Variants in FOXJ3 observed in about 807,000 individuals in gnomAD.
FOXJ3 encodes the protein forkhead box protein J3.
FOXJ3 carries 22 observed loss-of-function variants against 76.1 expected under a neutral mutation model. That is an observed-to-expected ratio of 0.29 (90% CI 0.21 to 0.41). FOXJ3 has a LOEUF of 0.41. Ranked by LOEUF, FOXJ3 falls within the 10% of genes least tolerant of loss-of-function variation. The pLI, the probability that FOXJ3 is intolerant of heterozygous loss-of-function variation, is 1.00. For missense variants in FOXJ3, 613 were observed against 762.1 expected, an observed-to-expected ratio of 0.80 and a Z score of 2.30; for synonymous variants, 269 against 261.2, an observed-to-expected ratio of 1.03 and a Z score of -0.29.
At chr1:42,179,881 TAAAC>T in intron 12 of FOXJ3, 56 bp from the exon 13 acceptor site, 1 of 1,066,016 alleles carries the variant, frequency 9.4e-7, no homozygotes, top group Non-Finnish European at 1.5e-6. Flanking sequence ...AAGTAAGAAA[TAAAC>T]TAACCCCTAC....
At chr1:42,213,235 T>C (rs1032253969) in intron 5 of FOXJ3, among the ~76,000 whole-genome samples, 2 of 152,104 alleles carry the variant, frequency 1.3e-5, no homozygotes, top group African/African-American at 4.8e-5. Flanking sequence ...TCAATATTAA[T>C]GTTGAATGTA....
intron 4 of FOXJ3, among the ~76,000 whole-genome samples, chr1:42,232,516 T>C (rs558261545): frequency 6.7e-6 from 1 of 149,264 alleles, no homozygotes; most frequent in South Asian, 2.1e-4. Context: ...GGTATCTCAT[T>C]GTGGTTTTGA....
intron 11 of FOXJ3, among the ~76,000 whole-genome samples, chr1:42,182,245 C>T (rs949916036): frequency 2.6e-5 from 4 of 152,186 alleles, no homozygotes; most frequent in Non-Finnish European, 4.4e-5. Flanking sequence ...CTAATGCTAG[C>T]GCTGCCACTA....
chr1:42,304,390 T>G (rs1438816292), intron 2 of FOXJ3, among the ~76,000 whole-genome samples: 1 of 151,680 alleles, frequency 6.6e-6, no homozygotes, highest in Non-Finnish European at 1.5e-5. Context: ...TTCACAGACA[T>G]AGAAAAAAAA....
rs774215103 is a variant in FOXJ3, at chr1:42,188,863, C to T, written c.1519G>A (p.Asp507Asn). ...NWSLDQVQFA[D>N]LCSSLNQFFT... ...AACTGATTAAGAGAAGAACAAAGAT[C>T]GGCAAACTGAACCTGGTCTAAAGAC... The change falls in exon 11 of 13, where the codon GAT (aspartate) becomes AAT (asparagine). Residue 507 changes from aspartate (D) to asparagine (N), a missense_variant. By Grantham distance (23) the Asp-to-Asn change is conservative. Transcript: ENST00000361346. The T allele has an allele frequency of 6.2e-6, 10 of 1,613,086 alleles. No homozygotes were observed. Among genetic ancestry groups the T allele is most frequent in the South Asian group, 2.2e-5 (2 of 91,014 alleles).
chr1:42,248,550 A>G (rs936315497), intron 4 of FOXJ3, among the ~76,000 whole-genome samples: 1 of 150,282 alleles, frequency 6.7e-6, no homozygotes, highest in Admixed American at 6.6e-5. Flanking sequence ...AAAAAAAAAA[A>G]AAGACAACAT....
At chr1:42,248,434 T>C (rs1048958516) in intron 4 of FOXJ3, among the ~76,000 whole-genome samples, 11 of 150,802 alleles carry the variant, frequency 7.3e-5, no homozygotes, top group African/African-American at 2.5e-4. Context: ...CTCGGGAGGC[T>C]GAGGCAGGAG....
chr1:42,256,682 T>C (rs1650615424), intron 4 of FOXJ3, among the ~76,000 whole-genome samples: 1 of 152,234 alleles, frequency 6.6e-6, no homozygotes, highest in African/African-American at 2.4e-5. Flanking sequence ...GGCAGTTTCT[T>C]ATAAAGTTAA....
chr1:42,282,812 C>G (rs1019236924), intron 2 of FOXJ3, among the ~76,000 whole-genome samples: 2 of 152,154 alleles, frequency 1.3e-5, no homozygotes, highest in Non-Finnish European at 2.9e-5. Context: ...AGCTATTATT[C>G]CTAAAGCAGA....
At chr1:42,296,117 T>C (rs927448355) in intron 2 of FOXJ3, among the ~76,000 whole-genome samples, 1 of 152,246 alleles carries the variant, frequency 6.6e-6, no homozygotes, top group African/African-American at 2.4e-5. Flanking sequence ...AGTATTTTTT[T>C]CAAGTGTTTG....
intron 1 of FOXJ3, among the ~76,000 whole-genome samples, chr1:42,332,282 T>C (rs182078772): frequency 2.0e-5 from 3 of 152,344 alleles, no homozygotes; most frequent in Admixed American, 6.5e-5. Context: ...CTAGCATCTA[T>C]ATCCCTGGTC....
chr1:42,278,699 A>G (rs1652474534), intron 2 of FOXJ3, 27 bp from the exon 3 acceptor site: 7 of 1,498,298 alleles, frequency 4.7e-6, no homozygotes, highest in Admixed American at 1.9e-5. Flanking sequence ...TCCTTAGTCA[A>G]TATCAAGGAA....
intron 7 of FOXJ3, among the ~76,000 whole-genome samples, chr1:42,198,700 T>G (rs1646701360): frequency 6.6e-6 from 1 of 152,180 alleles, no homozygotes; most frequent in South Asian, 2.1e-4. Context: ...CCCTAACCTC[T>G]GGGGTTTACA....
chr1:42,246,779 T>A (rs147103980), intron 4 of FOXJ3, among the ~76,000 whole-genome samples: 1 of 152,048 alleles, frequency 6.6e-6, no homozygotes, highest in African/African-American at 2.4e-5. Flanking sequence ...AGCAAAGATA[T>A]AGAATCAAAC....
Position 42,191,313 on chromosome 1 carries a change from G to A in FOXJ3, c.1341C>T (p.Ser447=), listed in dbSNP as rs1646536267. 1.3e-6 allele frequency: 2 copies of A among 1,541,964 alleles called. No individual in the cohort carries two copies. Among genetic ancestry groups the A allele is most frequent in the Non-Finnish European group, 1.8e-6 (2 of 1,140,034 alleles). The change falls in exon 9 of 13, where the codon TCC becomes TCT. Residue 447 remains serine, a synonymous_variant. Transcript: ENST00000361346. ...GAGACAAAAACTTACCAGAATTACA[G>A]GATACCTGTTGTGGGGGTGGGGGTG... ...HQAPPPPQQV[S]CNSGVSNDWY... is the part of the protein sequence containing the mutation.
intron 1 of FOXJ3, among the ~76,000 whole-genome samples, chr1:42,331,460 AC>A (rs1260140340): frequency 1.3e-5 from 2 of 152,200 alleles, no homozygotes; most frequent in African/African-American, 4.8e-5. Flanking sequence ...CGTAGTATAT[AC>A]ATACAGTGGA....
At position 42,326,089 on chromosome 1, in the gene FOXJ3, A is replaced by G. The variant is rs1196001633; in HGVS notation, c.-18+8970T>C. 2.0e-5 allele frequency among the ~76,000 whole-genome samples: 3 copies of G among 152,102 alleles called. No individual in the cohort carries two copies. In the East Asian group the frequency reaches 5.8e-4, roughly 29 times the overall value. On this transcript the variant is annotated intron_variant, in intron 1 of 12. Transcript: ENST00000361346. Reference sequence around the variant, plus strand: ...AACATGGTGAAACCTCGTCCCTACTAAAAATACAAAAATTAGCCAGGCGTG... The same window carrying G: ...AACATGGTGAAACCTCGTCCCTACTGAAAATACAAAAATTAGCCAGGCGTG...
At position 42,320,955 on chromosome 1, in the gene FOXJ3, C is replaced by T. The variant is rs138590312; in HGVS notation, c.-17-9845G>A. ...GGAATTCAAAGCAACAGATCCTACCCATATTGCTGAAAAGTCCACTGAACC... is the reference window on the plus strand; with the variant it reads ...GGAATTCAAAGCAACAGATCCTACCTATATTGCTGAAAAGTCCACTGAACC... On this transcript the variant is annotated intron_variant, in intron 1 of 12. Coordinates refer to ENST00000361346, the MANE Select transcript of FOXJ3 (RefSeq NM_014947.5). 4.2e-3 allele frequency among the ~76,000 whole-genome samples: 632 copies of T among 152,238 alleles called. 3 individuals carry two copies. Among genetic ancestry groups the T allele is most frequent in the African/African-American group, 0.014 (589 of 41,550 alleles).
intron 4 of FOXJ3, among the ~76,000 whole-genome samples, chr1:42,238,165 T>A (rs187476176): frequency 2.0e-5 from 3 of 152,208 alleles, no homozygotes; most frequent in Admixed American, 1.3e-4. Flanking sequence ...CCCAAGTAGC[T>A]GGGAATATAG....
Sources: allele counts gnomAD v4.1 joint callset (sites outside exome capture counted in the v4.1 genomes callset), GRCh38; gene constraint gnomAD v4.1.1; transcripts MANE v1.5; gene names NCBI Gene and HGNC (gene_info 2026-07-23, HGNC 2026-07-21).